Variants in MAPKAP1 observed in about 807,000 individuals in gnomAD.
The protein encoded by MAPKAP1 is MAPK associated protein 1, also known as target of rapamycin complex 2 subunit MAPKAP1.
In MAPKAP1, 20 loss-of-function variants were observed where a neutral mutation model predicts 65.7. The ratio of observed to expected loss-of-function variants is 0.30; its 90% CI spans 0.21 to 0.44. The LOEUF (loss-of-function observed/expected upper bound fraction) is 0.44. MAPKAP1 is among the 20% of genes least tolerant of loss of function. MAPKAP1 has a pLI of 1.00. For missense variants in MAPKAP1, 423 were observed against 648.0 expected, an observed-to-expected ratio of 0.65 and a Z score of 3.77; for synonymous variants, 222 against 244.3, an observed-to-expected ratio of 0.91 and a Z score of 0.85.
chr9:125,704,492 C>T (rs1344079363), intron 1 of MAPKAP1, among the ~76,000 whole-genome samples: 1 of 152,188 alleles, frequency 6.6e-6, no homozygotes, highest in Non-Finnish European at 1.5e-5. Flanking sequence ...GACATCTCCT[C>T]TACTAGAATG....
At chr9:125,477,009 T>C (rs1435801613) in intron 9 of MAPKAP1, among the ~76,000 whole-genome samples, 1 of 152,208 alleles carries the variant, frequency 6.6e-6, no homozygotes, top group African/African-American at 2.4e-5. Flanking sequence ...GGACATGTGG[T>C]ATTGTACTTG....
chr9:125,613,546 A>C (rs1027116282), intron 4 of MAPKAP1, among the ~76,000 whole-genome samples: 4 of 152,142 alleles, frequency 2.6e-5, no homozygotes, highest in Non-Finnish European at 5.9e-5. Context: ...AGGCCTTGTT[A>C]CGACTGCATC....
intron 4 of MAPKAP1, among the ~76,000 whole-genome samples, chr9:125,625,100 T>C (rs1833058666): frequency 1.2e-5 from 1 of 86,568 alleles, no homozygotes; most frequent in Non-Finnish European, 2.4e-5. Flanking sequence ...ACACAAACGC[T>C]GCGGAAGGCC....
Position 125,499,733 on chromosome 9 carries a change from T to A in MAPKAP1, c.1066+6577A>T, listed in dbSNP as rs114477099. ...TTTTTCAGAAAAACTAATTTGTGGC[T>A]GGGTTTAGTGGTTCACTCCGGTAAT... On this transcript the variant is annotated intron_variant, in intron 8 of 11. Transcript: ENST00000265960. Among the ~76,000 whole-genome samples the A allele has an allele frequency of 6.2e-3, 941 of 152,252 alleles. 16 individuals carry two copies. The highest frequency in any genetic ancestry group is 0.022 in the African/African-American group (907 of 41,544).
intron 3 of MAPKAP1, among the ~76,000 whole-genome samples, chr9:125,660,678 G>A (rs1450999655): frequency 6.6e-6 from 1 of 152,094 alleles, no homozygotes; most frequent in African/African-American, 2.4e-5. Flanking sequence ...AGTTCTATTA[G>A]GCCAAAAACC....
intron 4 of MAPKAP1, among the ~76,000 whole-genome samples, chr9:125,626,496 C>G (rs368577711): frequency 2.0e-5 from 3 of 152,242 alleles, no homozygotes; most frequent in African/African-American, 4.8e-5. Context: ...CCACTAGCCA[C>G]ATTTGGCTAT....
chr9:125,671,193 G>A (rs117988304), intron 2 of MAPKAP1, among the ~76,000 whole-genome samples: 1 of 152,202 alleles, frequency 6.6e-6, no homozygotes, highest in Non-Finnish European at 1.5e-5. Flanking sequence ...GAAAATCAAT[G>A]GTTCTAAATT....
At chr9:125,582,342 T>C (rs1001946606) in intron 5 of MAPKAP1, among the ~76,000 whole-genome samples, 1 of 152,232 alleles carries the variant, frequency 6.6e-6, no homozygotes, top group Non-Finnish European at 1.5e-5. Context: ...CTTTACTATA[T>C]TCTGTTCCCA....
At chr9:125,534,604 T>C (rs543180) in intron 7 of MAPKAP1, among the ~76,000 whole-genome samples, 136,564 of 152,258 alleles carry the variant, frequency 0.9, 62,115 homozygotes, top group East Asian at 1. Context: ...CTCTGCTTCA[T>C]GTTCTTTGGC....
At chr9:125,506,284 G>C in intron 8 of MAPKAP1, 26 bp downstream of exon 8, 1 of 1,584,030 alleles carries the variant, frequency 6.3e-7, no homozygotes, top group Non-Finnish European at 8.7e-7. Flanking sequence ...GGACAAAGCG[G>C]GCATGGAGCG....
At chr9:125,522,754 A>G (rs944378065) in intron 7 of MAPKAP1, among the ~76,000 whole-genome samples, 5 of 152,174 alleles carry the variant, frequency 3.3e-5, no homozygotes, top group African/African-American at 1.2e-4. Flanking sequence ...GCAGGCTACT[A>G]GTTTAGATGC....
chr9:125,465,193 ACTCT>A (rs1428191487), intron 10 of MAPKAP1, among the ~76,000 whole-genome samples: 1 of 152,032 alleles, frequency 6.6e-6, no homozygotes, highest in Non-Finnish European at 1.5e-5. Context: ...CTACTTCTAG[ACTCT>A]CTCTCTTTGC....
intron 7 of MAPKAP1, among the ~76,000 whole-genome samples, chr9:125,514,536 CT>C (rs1207817856): frequency 2.0e-5 from 3 of 152,096 alleles, no homozygotes; most frequent in African/African-American, 7.2e-5. Flanking sequence ...TTTGTAGGAC[CT>C]GAGAGACTGA....
intron 7 of MAPKAP1, among the ~76,000 whole-genome samples, chr9:125,508,949 TATTTA>T (rs1829222463): frequency 1.3e-5 from 2 of 152,174 alleles, no homozygotes; most frequent in African/African-American, 2.4e-5. Flanking sequence ...GCTACAAAAA[TATTTA>T]ATTTTATAAA....
At chr9:125,526,828 T>C (rs948543933) in intron 7 of MAPKAP1, among the ~76,000 whole-genome samples, 6 of 151,402 alleles carry the variant, frequency 4.0e-5, no homozygotes, top group Admixed American at 2.6e-4. Flanking sequence ...CAAGCTGGAG[T>C]GCAGTGGTGC....
intron 9 of MAPKAP1, among the ~76,000 whole-genome samples, chr9:125,470,131 A>G (rs1393920588): frequency 2.0e-5 from 3 of 152,196 alleles, no homozygotes; most frequent in Non-Finnish European, 2.9e-5. Flanking sequence ...CAACTCTTGA[A>G]GCTGTAGTCA....
chr9:125,598,962 C>T (rs1183012425), intron 4 of MAPKAP1, among the ~76,000 whole-genome samples: 1 of 151,496 alleles, frequency 6.6e-6, no homozygotes, highest in African/African-American at 2.4e-5. Context: ...ATCACTTGAA[C>T]CCAGGAGGCG....
At chr9:125,618,341 C>CAAAAAAAA (rs60166871) in intron 4 of MAPKAP1, among the ~76,000 whole-genome samples, 431 of 31,250 alleles carry the variant, frequency 0.014, 59 homozygotes, top group Non-Finnish European at 0.018. Context: ...GGCTCCGTCT[C>CAAAAAAAA]AAAAAAAAAA....
At chr9:125,500,036 C>A (rs79088103) in intron 8 of MAPKAP1, among the ~76,000 whole-genome samples, 3,649 of 151,968 alleles carry the variant, frequency 0.024, 166 homozygotes, top group East Asian at 0.15. Flanking sequence ...TGGAATACTG[C>A]ATAGTAGTTA....
Sources: gnomAD v4.1 joint callset for allele counts (sites outside exome capture counted in the v4.1 genomes callset) on GRCh38, gnomAD v4.1.1 for gene constraint, MANE v1.5 for transcripts, NCBI Gene and HGNC (gene_info 2026-07-23, HGNC 2026-07-21) for gene names.